SGCD: variants seen among roughly 807,000 people sequenced by gnomAD.
SGCD encodes the protein delta-sarcoglycan.
SGCD carries 18 observed loss-of-function variants against 36.6 expected under a neutral mutation model. The ratio of observed to expected loss-of-function variants is 0.49; its 90% CI spans 0.34 to 0.73. SGCD has a LOEUF of 0.73. Ranked by LOEUF, SGCD falls within the 30% of genes least tolerant of loss-of-function variation. The probability of loss-of-function intolerance (pLI) is 0.01; values close to 1 mark genes in which losing one functional copy is unlikely to be tolerated. For missense variants in SGCD, 387 were observed against 346.7 expected, an observed-to-expected ratio of 1.12 and a Z score of -0.92; for synonymous variants, 133 against 130.6, an observed-to-expected ratio of 1.02 and a Z score of -0.12.
At chr5:156,148,444 A>G (rs1338143422) in intron 3 of SGCD, among the ~76,000 whole-genome samples, 3 of 152,170 alleles carry the variant, frequency 2.0e-5, no homozygotes, top group Non-Finnish European at 2.9e-5. Context: ...CTGTCTTGCT[A>G]ACATATGGAA....
chr5:155,837,344 G>C, the SGCD span, among the ~76,000 whole-genome samples: 1 of 152,022 alleles, frequency 6.6e-6, no homozygotes, highest in Non-Finnish European at 1.5e-5. Context: ...TTTTAGTAGA[G>C]ATGGGGTTTC....
intron 3 of SGCD, among the ~76,000 whole-genome samples, chr5:156,382,126 A>C (rs935940158): frequency 1.1e-4 from 17 of 152,168 alleles, no homozygotes; most frequent in Non-Finnish European, 1.8e-4. Flanking sequence ...CAGTGGAAGC[A>C]GGAATCAAAC....
intron 2 of SGCD, among the ~76,000 whole-genome samples, chr5:156,122,088 T>G (rs1351886054): frequency 6.6e-6 from 1 of 152,200 alleles, no homozygotes; most frequent in African/African-American, 2.4e-5. Context: ...ATTCATCTAG[T>G]CAGTATTCCA....
At chr5:155,844,826 G>T in the SGCD span, among the ~76,000 whole-genome samples, 1 of 152,146 alleles carries the variant, frequency 6.6e-6, no homozygotes, top group South Asian at 2.1e-4. Flanking sequence ...TCCAATGCAT[G>T]CCATATAATG....
intron 3 of SGCD, among the ~76,000 whole-genome samples, chr5:156,463,323 T>C (rs1055693510): frequency 6.6e-6 from 1 of 152,168 alleles, no homozygotes; most frequent in Non-Finnish European, 1.5e-5. Flanking sequence ...ATTACAGACA[T>C]GAGCCACCGT....
chr5:156,192,144 G>A (rs1305611319), intron 3 of SGCD, among the ~76,000 whole-genome samples: 8 of 152,082 alleles, frequency 5.3e-5, no homozygotes, highest in Admixed American at 3.9e-4. Context: ...TATATTTGGG[G>A]CTGTTTCTTC....
chr5:156,374,280 C>G (rs1359397617), intron 3 of SGCD, among the ~76,000 whole-genome samples: 2 of 152,054 alleles, frequency 1.3e-5, no homozygotes, highest in East Asian at 3.9e-4. Context: ...ACCTGTGAAA[C>G]AAGCTCACTC....
chr5:156,238,966 T>C (rs1765233618), intron 3 of SGCD, among the ~76,000 whole-genome samples: 1 of 152,220 alleles, frequency 6.6e-6, no homozygotes, highest in Non-Finnish European at 1.5e-5. Flanking sequence ...CTGTCATTTC[T>C]GTTTTTGGAC....
At chr5:156,054,380 G>T (rs1312410530) in intron 1 of SGCD, among the ~76,000 whole-genome samples, 1 of 142,602 alleles carries the variant, frequency 7.0e-6, no homozygotes, top group Non-Finnish European at 1.6e-5. Flanking sequence ...CCGCCTCCCG[G>T]GTTCACGCCA....
At chr5:155,894,486 C>T (rs995464885) in intron 1 of SGCD, among the ~76,000 whole-genome samples, 7 of 152,290 alleles carry the variant, frequency 4.6e-5, no homozygotes, top group Non-Finnish European at 7.4e-5. Flanking sequence ...CCCCAACTCC[C>T]AGTAATGGTC....
intron 1 of SGCD, among the ~76,000 whole-genome samples, chr5:155,937,293 G>A (rs1388362404): frequency 6.6e-6 from 1 of 152,228 alleles, no homozygotes; most frequent in African/African-American, 2.4e-5. Context: ...CATCTTGGCA[G>A]CAGCTGCTCC....
intron 3 of SGCD, among the ~76,000 whole-genome samples, chr5:156,200,221 A>G (rs529878613): frequency 6.6e-6 from 1 of 152,270 alleles, no homozygotes; most frequent in African/African-American, 2.4e-5. Context: ...ACAATCTAGA[A>G]AAAGAACAGA....
chr5:156,494,846 C>G (rs972108070), intron 3 of SGCD, among the ~76,000 whole-genome samples: 9 of 152,118 alleles, frequency 5.9e-5, no homozygotes, highest in Admixed American at 4.6e-4. Flanking sequence ...GTACCATACT[C>G]ATTCTCCCTG....
chr5:156,305,584 C>A (rs1007392683), intron 3 of SGCD, among the ~76,000 whole-genome samples: 1 of 152,128 alleles, frequency 6.6e-6, no homozygotes, highest in Non-Finnish European at 1.5e-5. Context: ...GGGGTCAGAG[C>A]CCCCACACAG....
At chr5:155,983,200 T>C (rs1758263319) in intron 1 of SGCD, among the ~76,000 whole-genome samples, 1 of 152,200 alleles carries the variant, frequency 6.6e-6, no homozygotes, top group African/African-American at 2.4e-5. Context: ...GAAAGTGTAA[T>C]CATATATGTT....
intron 3 of SGCD, among the ~76,000 whole-genome samples, chr5:156,350,968 C>T (rs976891018): frequency 1.3e-5 from 2 of 152,002 alleles, no homozygotes; most frequent in African/African-American, 4.8e-5. Flanking sequence ...CTACACTTTA[C>T]CTCCTCCTCC....
chr5:155,821,762 A>G, the SGCD span, among the ~76,000 whole-genome samples: 13 of 152,362 alleles, frequency 8.5e-5, no homozygotes, highest in East Asian at 2.5e-3. Flanking sequence ...GAGCAATACT[A>G]TTTAATCTTT....
intron 3 of SGCD, among the ~76,000 whole-genome samples, chr5:156,361,104 G>T (rs962878972): frequency 6.6e-6 from 1 of 152,164 alleles, no homozygotes; most frequent in Non-Finnish European, 1.5e-5. Context: ...GCTGCTGCAG[G>T]CCCCATATGG....
the SGCD span, among the ~76,000 whole-genome samples, chr5:155,760,323 C>CTCTCCATCA: frequency 0.083 from 2 of 24 alleles, no homozygotes; most frequent in Non-Finnish European, 0.11. Flanking sequence ...CATCATCACT[C>CTCTCCATCA]TNNNNNNNNN....
Sources: allele counts gnomAD v4.1 joint callset (sites outside exome capture counted in the v4.1 genomes callset), GRCh38; gene constraint gnomAD v4.1.1; transcripts MANE v1.5; gene names NCBI Gene and HGNC (gene_info 2026-07-23, HGNC 2026-07-21).